The following MAPK12 variants were observed in gnomAD, a reference collection of about 807,000 sequenced individuals.
MAPK12 encodes mitogen-activated protein kinase 12.
In MAPK12, 49 loss-of-function variants were observed where a neutral mutation model predicts 49.1. That is an observed-to-expected ratio of 1.00 (90% CI 0.79 to 1.27). The LOEUF is 1.27. MAPK12 is among the 50% of genes most tolerant of loss of function. The probability of loss-of-function intolerance (pLI) is 0.00; values close to 1 mark genes in which losing one functional copy is unlikely to be tolerated. For synonymous variants in MAPK12, 251 were observed against 209.7 expected (o/e 1.20, Z -1.70); for missense variants, 554 against 502.4 (o/e 1.10, Z -0.98).
Position 50,255,521 on chromosome 22 carries a change from T to C in MAPK12, c.782A>G (p.Tyr261Cys), listed in dbSNP as rs368005916. ...CTCCAATTCGGGGAGGCCCTTCATG[T>C]AGTTCTTGGCCTGTGTGGGAAGAAA... ...QRLQSDEAKN[Y>C]MKGLPELEKK... is the part of the protein sequence containing the mutation. Residue 261 changes from tyrosine to cysteine, a missense_variant, in exon 10 of 12, where the codon TAC (tyrosine) becomes TGC (cysteine). Coordinates refer to ENST00000215659, the MANE Select transcript of MAPK12 (RefSeq NM_002969.6). The C allele has an allele frequency of 1.2e-4, 193 of 1,613,064 alleles. 2 individuals carry two copies. Among genetic ancestry groups the C allele is most frequent in the Middle Eastern group, 3.3e-4 (2 of 6,082 alleles).
Position 50,253,360 on chromosome 22 carries a change from G to A in MAPK12, c.*41C>T, listed in dbSNP as rs2065117626. ...ACGAGAGTCCCCTCTCAGGTGGAAGGTGAAGGTGGTCCTCACTGCCACCCC... is the reference window on the plus strand; with the variant it reads ...ACGAGAGTCCCCTCTCAGGTGGAAGATGAAGGTGGTCCTCACTGCCACCCC... On this transcript the variant is annotated 3_prime_UTR_variant, in exon 12 of 12. Coordinates refer to ENST00000215659, the MANE Select transcript of MAPK12 (RefSeq NM_002969.6). 10 of 1,404,288 alleles carry A rather than the reference G, an allele frequency of 7.1e-6. No individual in the cohort carries two copies. The highest frequency in any genetic ancestry group is 9.9e-6 in the Non-Finnish European group (10 of 1,013,916). 87.0% of individuals were successfully genotyped at this position (1,404,288 alleles called of 1,614,324 possible). A position where few individuals can be genotyped will look rare whatever the true frequency, so the allele number is the denominator to read the frequency against.
At chr22:50,255,147 GAGCCCCCCACTTGGGTCC>G in intron 11 of MAPK12, 32 bp downstream of exon 11, 2 of 1,607,112 alleles carry the variant, frequency 1.2e-6, no homozygotes, top group Middle Eastern at 1.7e-4. Context: ...GCCCTGCCCA[GAGCCCCCCACTTGGGTCC>G]ACACAGGCCG....
intron 3 of MAPK12, chr22:50,257,493 C>T (rs1019747079): frequency 9.6e-6 from 5 of 520,800 alleles, no homozygotes; most frequent in African/African-American, 5.7e-5. Flanking sequence ...AAGCGCCCTG[C>T]GTGCCAGGCT....
chr22:50,261,210 G>A lies in MAPK12; in HGVS notation c.212C>T (p.Ala71Val), dbSNP rs780286516. The change falls in exon 2 of 12, where the codon GCC becomes GTC. Residue 71 changes from alanine (A) to valine (V), a missense_variant. Ala to Val is a moderately conservative substitution (Grantham distance 64). Coordinates refer to ENST00000215659, the MANE Select transcript of MAPK12 (RefSeq NM_002969.6). ...CTTGAGCAGGCGCAGCTCGCGGTAG[G>A]CGCGCTTGGCGAACAGCTCGGACTG... The part of the protein sequence containing the change: ...PFQSELFAKR[A>V]YRELRLLKHM... The A allele has an allele frequency of 6.3e-7, 1 of 1,590,944 alleles. No individual in the cohort carries two copies. Among genetic ancestry groups the A allele is most frequent in the East Asian group, 2.3e-5 (1 of 42,838 alleles).
At chr22:50,254,664 TGGGGCAAGGA>T in intron 11 of MAPK12, 1 of 1,010,688 alleles carries the variant, frequency 9.9e-7, no homozygotes, top group South Asian at 4.1e-5. Context: ...AAAACAAAAA[TGGGGCAAGGA>T]GAGGCAAGGA....
Position 50,255,343 on chromosome 22 carries a change from ACC to A in MAPK12, c.876_877del (p.Val293AlafsTer27). ...CGTCACCCGCTGCTCCGCGTCCAGCACCAGCATCTTCTCCAGGAGGTTCACAG... is the reference window on the plus strand; with the variant it reads ...CGTCACCCGCTGCTCCGCGTCCAGCAAGCATCTTCTCCAGGAGGTTCACAG... On this transcript the variant is annotated frameshift_variant, in exon 11 of 12. Coordinates refer to ENST00000215659, the MANE Select transcript of MAPK12 (RefSeq NM_002969.6). LOFTEE classifies it high-confidence loss of function. 1 of 1,613,474 alleles carries A rather than the reference ACC, an allele frequency of 6.2e-7. No homozygotes were observed. The highest frequency in any genetic ancestry group is 8.5e-7 in the Non-Finnish European group (1 of 1,179,972).
At chr22:50,259,963 G>C (rs1403766062) in intron 2 of MAPK12, among the ~76,000 whole-genome samples, 1 of 138,722 alleles carries the variant, frequency 7.2e-6, no homozygotes, top group Non-Finnish European at 1.6e-5. Context: ...GGGTGGGTGG[G>C]AGCAGGGGGC....
chr22:50,256,119 C>T lies in MAPK12; in HGVS notation c.585G>A (p.Glu195=). The change falls in exon 7 of 12, where the codon GAG becomes GAA. Residue 195 remains glutamate (E), a synonymous_variant. Coordinates refer to ENST00000215659, the MANE Select transcript of MAPK12 (RefSeq NM_002969.6). The part of the protein sequence containing the change: ...YVVTRWYRAP[E]VILNWMRYTQ... ...TGTAGCGCATCCAATTCAAGATGAC[C>T]TCGGGAGCCCGGTACCACCGGGTCA... 1 of 1,612,716 alleles carries T rather than the reference C, an allele frequency of 6.2e-7. No homozygotes were observed. Among genetic ancestry groups the T allele is most frequent in the Non-Finnish European group, 8.5e-7 (1 of 1,179,896 alleles).
intron 2 of MAPK12, among the ~76,000 whole-genome samples, chr22:50,259,296 G>A (rs1268748896): frequency 2.6e-5 from 4 of 152,090 alleles, no homozygotes; most frequent in African/African-American, 4.8e-5. Context: ...GAGGGTGCCC[G>A]GGAGAGTGCT....
rs1476436694 is a variant in MAPK12 at position 50,253,344 on chromosome 22, C to T, written c.*57G>A. The T allele has an allele frequency of 3.1e-6, 4 of 1,278,522 alleles. No individual in the cohort carries two copies. The East Asian group carries it at 7.6e-5, about 24-fold the overall frequency. 79.2% of individuals were successfully genotyped at this position (1,278,522 alleles called of 1,614,324 possible). A position where few individuals can be genotyped will look rare whatever the true frequency, so the allele number is the denominator to read the frequency against. On this transcript the variant is annotated 3_prime_UTR_variant, in exon 12 of 12. Coordinates refer to ENST00000215659, the MANE Select transcript of MAPK12 (RefSeq NM_002969.6). ...CAAGGTCAAGGTGGCAACGAGAGTC[C>T]CCTCTCAGGTGGAAGGTGAAGGTGG... is the stretch of plus-strand genomic sequence containing the variant.
At chr22:50,257,565 G>GCAGT in intron 3 of MAPK12, 1 of 536,136 alleles carries the variant, frequency 1.9e-6, no homozygotes, top group South Asian at 2.1e-5. Context: ...GGGGAGGGAG[G>GCAGT]CAGTCAGGTT....
chr22:50,256,350 C>T (rs1341426686), intron 6 of MAPK12, 151 bp from the exon 7 acceptor site: 1 of 729,596 alleles, frequency 1.4e-6, no homozygotes, highest in Non-Finnish European at 2.3e-6. Flanking sequence ...CGCCCTCGGA[C>T]CCCAAACTGC....
Position 50,255,700 on chromosome 22 carries a change from C to T in MAPK12, c.692-6G>A. On this transcript the variant is annotated splice_region_variant and splice_polypyrimidine_tract_variant and intron_variant, in intron 8 of 11. Transcript: ENST00000215659. ...CTCCTTCAGCTGGTCCAGGTCTGCA[C>T]CGAGGTCAGGAACACAGCTCGGGGG... The T allele has an allele frequency of 6.2e-7, 1 of 1,609,912 alleles. No homozygotes were observed. The highest frequency in any genetic ancestry group is 1.3e-5 in the African/African-American group (1 of 75,032).
chr22:50,253,278 G>A lies in MAPK12; in HGVS notation c.*123C>T. 1.3e-6 allele frequency: 1 copy of A among 760,342 alleles called. No individual in the cohort carries two copies. The allele number at this position is 760,342 out of a possible 1,614,324, so 47.1% of individuals were successfully genotyped here. ...TGGGGAGGAGGGTCCATGGAACCCG[G>A]GCGTCTGCTCTGATGGATGCCTTGG... is the stretch of plus-strand genomic sequence containing the variant. On this transcript the variant is annotated 3_prime_UTR_variant, in exon 12 of 12. Coordinates refer to ENST00000215659, the MANE Select transcript of MAPK12 (RefSeq NM_002969.6).
At chr22:50,259,441 G>A (rs992028943) in intron 2 of MAPK12, among the ~76,000 whole-genome samples, 5 of 152,150 alleles carry the variant, frequency 3.3e-5, no homozygotes, top group East Asian at 1.9e-4. Context: ...CTCCTCCCCC[G>A]CTGAGCAAGG....
At chr22:50,257,804 GGT>G in intron 3 of MAPK12, 3 of 714,724 alleles carry the variant, frequency 4.2e-6, no homozygotes, top group Non-Finnish European at 5.2e-6. Flanking sequence ...TGGCCGACAG[GGT>G]GTGAGTCCCA....
At position 50,256,122 on chromosome 22, in the gene MAPK12, G is replaced by A. The variant is rs771623376; in HGVS notation, c.582C>T (p.Pro194=). 30 of 1,612,604 alleles carry A rather than the reference G, an allele frequency of 1.9e-5. No homozygotes were observed. The highest frequency in any genetic ancestry group is 8.3e-5 in the Admixed American group (5 of 59,982). Residue 194 remains proline (P), a synonymous_variant, in exon 7 of 12, where the codon CCC becomes CCT. Coordinates refer to ENST00000215659, the MANE Select transcript of MAPK12 (RefSeq NM_002969.6). ...GYVVTRWYRA[P]EVILNWMRYT... ...AGCGCATCCAATTCAAGATGACCTCGGGAGCCCGGTACCACCGGGTCACCA... is the reference window on the plus strand; with the variant it reads ...AGCGCATCCAATTCAAGATGACCTCAGGAGCCCGGTACCACCGGGTCACCA...
In MAPK12 at chr22:50,261,620, TCGCCCGCC is replaced by T. The variant is rs1035493036; in HGVS notation, c.-119_-112del. 5.2e-6 allele frequency: 5 copies of T among 953,140 alleles called. No homozygotes were observed. In the East Asian group the frequency reaches 4.3e-4, roughly 83 times the overall value. 59.0% of individuals were successfully genotyped at this position (953,140 alleles called of 1,614,324 possible). The stretch of plus-strand genomic sequence containing the variant: ...GGCCGGCTCCGCGCCGCTCGTCCGC[TCGCCCGCC>T]CGCCCGCCGGCCGCTGGGGCGCTCC... On this transcript the variant is annotated 5_prime_UTR_variant, in exon 1 of 12. Coordinates refer to ENST00000215659, the MANE Select transcript of MAPK12 (RefSeq NM_002969.6).
intron 2 of MAPK12, among the ~76,000 whole-genome samples, chr22:50,260,235 TTTG>T (rs2065197016): frequency 5.8e-5 from 1 of 17,170 alleles, no homozygotes. Flanking sequence ...GACGGGGCAC[TTTG>T]CTGGTGGACG....
Sources: allele counts gnomAD v4.1 joint callset (sites outside exome capture counted in the v4.1 genomes callset), GRCh38; gene constraint gnomAD v4.1.1; transcripts MANE v1.5; gene names NCBI Gene and HGNC (gene_info 2026-07-23, HGNC 2026-07-21).